The following DCC variants were observed in gnomAD, a reference collection of about 807,000 sequenced individuals.
DCC encodes DCC netrin 1 receptor, also known as netrin receptor DCC.
A neutral mutation model predicts 172.5 loss-of-function variants in DCC; 58 were observed. That is an observed-to-expected ratio of 0.34 (90% CI 0.27 to 0.42). The LOEUF is 0.42. DCC is among the 10% of genes least tolerant of loss of function. The probability of loss-of-function intolerance (pLI) is 1.00; values close to 1 mark genes in which losing one functional copy is unlikely to be tolerated. For missense variants in DCC, 1,740 were observed against 1,791.0 expected, an observed-to-expected ratio of 0.97 and a Z score of 0.51; for synonymous variants, 709 against 644.5, an observed-to-expected ratio of 1.10 and a Z score of -1.52.
At chr18:53,368,526 C>A (rs181248551) in intron 15 of DCC, among the ~76,000 whole-genome samples, 1 of 152,050 alleles carries the variant, frequency 6.6e-6, no homozygotes, top group African/African-American at 2.4e-5. Context: ...CCAAATCTAA[C>A]ATCGTGAATT....
At chr18:52,917,155 A>T (rs1281797775) in intron 3 of DCC, among the ~76,000 whole-genome samples, 6 of 148,198 alleles carry the variant, frequency 4.0e-5, no homozygotes, top group African/African-American at 7.6e-5. Flanking sequence ...AAAAAACAAG[A>T]AAAAAATAAA....
At chr18:52,673,055 C>A (rs1044550498) in intron 1 of DCC, among the ~76,000 whole-genome samples, 1 of 152,092 alleles carries the variant, frequency 6.6e-6, no homozygotes, top group African/African-American at 2.4e-5. Context: ...AGAGCGAGAC[C>A]CTGTCTCTTA....
At chr18:52,817,121 T>G (rs1011769026) in intron 2 of DCC, among the ~76,000 whole-genome samples, 9 of 152,144 alleles carry the variant, frequency 5.9e-5, no homozygotes, top group African/African-American at 2.2e-4. Context: ...AATTATTACT[T>G]AAGATAATAA....
chr18:52,343,745 CTG>C (rs1983757666), intron 1 of DCC, among the ~76,000 whole-genome samples: 2 of 152,212 alleles, frequency 1.3e-5, no homozygotes, highest in South Asian at 2.1e-4. Flanking sequence ...TGAAAAAAAT[CTG>C]TGAGTGTTTA....
intron 5 of DCC, among the ~76,000 whole-genome samples, chr18:52,936,708 A>G (rs1417392148): frequency 1.3e-5 from 2 of 152,162 alleles, no homozygotes; most frequent in Non-Finnish European, 2.9e-5. Context: ...CAGTGGTGGA[A>G]AGCTGCCCAA....
intron 1 of DCC, among the ~76,000 whole-genome samples, chr18:52,432,923 A>G (rs1319769340): frequency 2.0e-5 from 3 of 152,158 alleles, no homozygotes; most frequent in Non-Finnish European, 4.4e-5. Flanking sequence ...CTGTGCTTCC[A>G]TCTTTCAGTT....
At chr18:52,800,013 C>T (rs1027672626) in intron 2 of DCC, among the ~76,000 whole-genome samples, 31 of 152,186 alleles carry the variant, frequency 2.0e-4, no homozygotes, top group Middle Eastern at 3.4e-3. Context: ...AATTTTAAGA[C>T]GTAGTAGTTG....
At chr18:53,396,999 C>A (rs1201540915) in intron 17 of DCC, among the ~76,000 whole-genome samples, 1 of 151,460 alleles carries the variant, frequency 6.6e-6, no homozygotes, top group Non-Finnish European at 1.5e-5. Context: ...TCTCATATGC[C>A]TGATCATATG....
intron 2 of DCC, among the ~76,000 whole-genome samples, chr18:52,843,312 A>G (rs1042962789): frequency 2.0e-5 from 3 of 152,150 alleles, no homozygotes; most frequent in Admixed American, 6.5e-5. Flanking sequence ...TACCTTTGTT[A>G]CCTGCTAAGT....
At chr18:53,279,476 A>G (rs1300963269) in intron 12 of DCC, among the ~76,000 whole-genome samples, 6 of 124,580 alleles carry the variant, frequency 4.8e-5, no homozygotes, top group Non-Finnish European at 9.5e-5. Context: ...GAAGGGGAAC[A>G]TCACACACTG....
intron 5 of DCC, among the ~76,000 whole-genome samples, chr18:52,945,564 A>T (rs2145534660): frequency 6.6e-6 from 1 of 152,334 alleles, no homozygotes; most frequent in Non-Finnish European, 1.5e-5. Flanking sequence ...CATGAAATGA[A>T]TTTTTAGAAA....
intron 5 of DCC, among the ~76,000 whole-genome samples, chr18:52,941,500 GTGTA>G (rs1811147401): frequency 1.6e-5 from 2 of 125,164 alleles, no homozygotes; most frequent in African/African-American, 5.8e-5. Context: ...GTGTGTGTGT[GTGTA>G]TATATATATA....
intron 12 of DCC, among the ~76,000 whole-genome samples, chr18:53,280,797 G>A (rs1463883453): frequency 6.6e-6 from 1 of 152,030 alleles, no homozygotes; most frequent in African/African-American, 2.4e-5. Context: ...ACCCGAAAAG[G>A]TTGGACTAGA....
intron 3 of DCC, among the ~76,000 whole-genome samples, chr18:52,912,711 T>C (rs1450732376): frequency 6.6e-6 from 1 of 152,176 alleles, no homozygotes; most frequent in East Asian, 1.9e-4. Flanking sequence ...ACAATTCTAA[T>C]CCTCTCAAAC....
At chr18:53,510,626 C>T (rs959466033) in intron 27 of DCC, among the ~76,000 whole-genome samples, 6 of 152,196 alleles carry the variant, frequency 3.9e-5, no homozygotes, top group Admixed American at 6.5e-5. Flanking sequence ...TAAAGAAGCT[C>T]TAAAGCCAAG....
At chr18:52,915,727 G>A (rs1041396194) in intron 3 of DCC, among the ~76,000 whole-genome samples, 1 of 151,996 alleles carries the variant, frequency 6.6e-6, no homozygotes, top group African/African-American at 2.4e-5. Context: ...AATAAGAGGG[G>A]CAAGAGAGGC....
At chr18:53,376,370 C>T (rs1907286530) in intron 15 of DCC, among the ~76,000 whole-genome samples, 1 of 151,866 alleles carries the variant, frequency 6.6e-6, no homozygotes, top group Non-Finnish European at 1.5e-5. Context: ...GGCGAGTGAG[C>T]AAAACTGTGT....
intron 15 of DCC, among the ~76,000 whole-genome samples, chr18:53,362,756 G>C (rs779945062): frequency 2.0e-5 from 3 of 151,978 alleles, no homozygotes; most frequent in South Asian, 4.2e-4. Context: ...AGACATTGAG[G>C]AGAAAACAAG....
chr18:53,162,103 A>G (rs1184168884), intron 8 of DCC, among the ~76,000 whole-genome samples: 2 of 152,142 alleles, frequency 1.3e-5, no homozygotes, highest in Admixed American at 1.3e-4. Context: ...GTTCGAGACC[A>G]GCCCGGCCAA....
Sources: allele counts gnomAD v4.1 joint callset (sites outside exome capture counted in the v4.1 genomes callset), GRCh38; gene constraint gnomAD v4.1.1; transcripts MANE v1.5; gene names NCBI Gene and HGNC (gene_info 2026-07-23, HGNC 2026-07-21).